The following MAPRE2 variants were observed in gnomAD, a reference collection of about 807,000 sequenced individuals.
MAPRE2 encodes microtubule-associated protein RP/EB family member 2.
In MAPRE2, 13 loss-of-function variants were observed where a neutral mutation model predicts 43.2. That is an observed-to-expected ratio of 0.30 (90% CI 0.20 to 0.48). The LOEUF is 0.48. MAPRE2 is among the 20% of genes least tolerant of loss of function. The probability of loss-of-function intolerance (pLI) is 0.99; values close to 1 mark genes in which losing one functional copy is unlikely to be tolerated. For missense variants in MAPRE2, 161 were observed against 400.2 expected, an observed-to-expected ratio of 0.40 and a Z score of 5.10; for synonymous variants, 135 against 148.8, an observed-to-expected ratio of 0.91 and a Z score of 0.68.
chr18:34,978,516 G>T (rs971911519), intron 1 of MAPRE2: 12 of 1,546,348 alleles, frequency 7.8e-6, no homozygotes, highest in Non-Finnish European at 1.1e-5. Flanking sequence ...GGACACTGTG[G>T]AATGAAACAG....
intron 2 of MAPRE2, among the ~76,000 whole-genome samples, chr18:35,029,444 C>T (rs978906425): frequency 1.4e-4 from 21 of 152,192 alleles, no homozygotes; most frequent in Admixed American, 1.3e-3. Context: ...ACTTGATGGC[C>T]TGGGTTCTGA....
chr18:35,081,394 T>C (rs772695273), intron 2 of MAPRE2, among the ~76,000 whole-genome samples: 4 of 152,178 alleles, frequency 2.6e-5, no homozygotes, highest in Non-Finnish European at 5.9e-5. Flanking sequence ...AAGAACAATA[T>C]TCTGTTAGTA....
chr18:35,139,892 A>G (rs934876686), intron 6 of MAPRE2, among the ~76,000 whole-genome samples: 4 of 152,158 alleles, frequency 2.6e-5, no homozygotes, highest in African/African-American at 7.2e-5. Context: ...CCAAAATACC[A>G]TGGAGGCCAG....
chr18:35,041,345 T>C (rs548797233), upstream of MAPRE2: 1 of 1,438,422 alleles, frequency 7.0e-7, no homozygotes, highest in South Asian at 1.4e-5. Flanking sequence ...AGGGTGCTGC[T>C]GCCGGCGCTC....
intron 4 of MAPRE2, among the ~76,000 whole-genome samples, chr18:35,104,089 G>A (rs1908796405): frequency 1.3e-5 from 2 of 152,302 alleles, no homozygotes; most frequent in South Asian, 2.1e-4. Context: ...GAAGAGCTCA[G>A]CATCAGAGAA....
intron 1 of MAPRE2, among the ~76,000 whole-genome samples, chr18:35,003,804 A>G (rs1219053031): frequency 2.0e-5 from 3 of 152,258 alleles, no homozygotes; most frequent in African/African-American, 7.2e-5. Flanking sequence ...AGAAACTGAC[A>G]TGGATGGGAA....
chr18:35,129,132 C>T (rs1247044531), intron 5 of MAPRE2, among the ~76,000 whole-genome samples: 1 of 152,256 alleles, frequency 6.6e-6, no homozygotes. Context: ...CCAACACCTT[C>T]ACACCGAGGA....
chr18:35,002,969 A>G (rs2097030089), intron 1 of MAPRE2, among the ~76,000 whole-genome samples: 1 of 152,198 alleles, frequency 6.6e-6, no homozygotes, highest in Admixed American at 6.5e-5. Context: ...ACAGTTTGCC[A>G]GCCCCGATCC....
At chr18:35,041,398 G>A (rs1905351641), upstream of MAPRE2, 6 of 1,507,352 alleles carry the variant, frequency 4.0e-6, no homozygotes, top group Admixed American at 4.3e-5. Flanking sequence ...AGGGCGGGGC[G>A]CGAGCGAGAG....
chr18:35,090,647 G>A (rs1359686254), intron 2 of MAPRE2, among the ~76,000 whole-genome samples: 3 of 150,808 alleles, frequency 2.0e-5, no homozygotes, highest in African/African-American at 2.4e-5. Flanking sequence ...CAGAAGAATC[G>A]CTTCAGCTTG....
chr18:35,138,398 A>G (rs1169628498), intron 6 of MAPRE2, among the ~76,000 whole-genome samples: 1 of 152,184 alleles, frequency 6.6e-6, no homozygotes, highest in Non-Finnish European at 1.5e-5. Context: ...TGGGGTAGGG[A>G]GAGCTCACAT....
At chr18:35,033,102 A>C (rs1374122224) in intron 2 of MAPRE2, among the ~76,000 whole-genome samples, 1 of 152,186 alleles carries the variant, frequency 6.6e-6, no homozygotes, top group Non-Finnish European at 1.5e-5. Flanking sequence ...ACATTGATGC[A>C]AAAATCCTCA....
intron 6 of MAPRE2, among the ~76,000 whole-genome samples, chr18:35,135,552 G>T (rs951574888): frequency 1.3e-5 from 2 of 152,120 alleles, no homozygotes; most frequent in Non-Finnish European, 2.9e-5. Flanking sequence ...TCCTAAAGCT[G>T]TACCCTTGCC....
intron 1 of MAPRE2, among the ~76,000 whole-genome samples, chr18:35,065,578 C>T (rs1013406385): frequency 7.9e-5 from 12 of 151,210 alleles, no homozygotes; most frequent in South Asian, 4.2e-4. Context: ...TTTTTTGAGA[C>T]GGAGTTTCAC....
chr18:34,994,400 CT>C (rs34555170), intron 1 of MAPRE2, among the ~76,000 whole-genome samples: 11 of 148,992 alleles, frequency 7.4e-5, no homozygotes, highest in Non-Finnish European at 1.3e-4. Context: ...CTGTTTTTTG[CT>C]TTTTTTTTTC....
At chr18:35,106,208 C>T (rs1299198844) in intron 4 of MAPRE2, among the ~76,000 whole-genome samples, 1 of 152,090 alleles carries the variant, frequency 6.6e-6, no homozygotes, top group Non-Finnish European at 1.5e-5. Flanking sequence ...TAATTATCTG[C>T]ATTAGTGGAC....
At chr18:35,125,345 A>G (rs1376496473) in intron 4 of MAPRE2, among the ~76,000 whole-genome samples, 1 of 152,228 alleles carries the variant, frequency 6.6e-6, no homozygotes, top group Non-Finnish European at 1.5e-5. Context: ...TCTTGGTACT[A>G]ATAAACTGTG....
intron 1 of MAPRE2, among the ~76,000 whole-genome samples, chr18:35,002,736 C>A (rs1214877932): frequency 6.6e-6 from 1 of 152,128 alleles, no homozygotes; most frequent in Non-Finnish European, 1.5e-5. Context: ...CTGTTCATAT[C>A]TTTTTCCCAT....
chr18:35,097,382 G>A (rs1908477971), intron 2 of MAPRE2, 64 bp from the exon 3 acceptor site: 1 of 1,481,908 alleles, frequency 6.7e-7, no homozygotes, highest in African/African-American at 1.4e-5. Context: ...TTCCAGCCTA[G>A]CAGTCCTCTA....
Sources: allele counts gnomAD v4.1 joint callset (sites outside exome capture counted in the v4.1 genomes callset), GRCh38; gene constraint gnomAD v4.1.1; transcripts MANE v1.5; gene names NCBI Gene and HGNC (gene_info 2026-07-23, HGNC 2026-07-21).